Variants in PML observed in about 807,000 individuals in gnomAD.
PML encodes the protein PML nuclear body scaffold.
Under a neutral mutation model 65.2 loss-of-function variants are expected in PML, and 28 were observed. That is an observed-to-expected ratio of 0.43 (90% CI 0.32 to 0.59). PML has a LOEUF of 0.59. Ranked by LOEUF, PML falls within the 20% of genes least tolerant of loss-of-function variation. PML has a pLI of 0.08. For missense variants in PML, 1,021 were observed against 1,203.4 expected, an observed-to-expected ratio of 0.85 and a Z score of 2.24; for synonymous variants, 500 against 508.8, an observed-to-expected ratio of 0.98 and a Z score of 0.23.
chr15:74,034,387 G>A (rs2071449462), intron 6 of PML, 91 bp from the exon 7 acceptor site: 1 of 1,570,796 alleles, frequency 6.4e-7, no homozygotes, highest in East Asian at 2.2e-5. Flanking sequence ...CCAGCCGACT[G>A]GCCTGCAAGG....
chr15:74,012,323 C>T (rs569059003), intron 2 of PML, among the ~76,000 whole-genome samples: 1 of 152,336 alleles, frequency 6.6e-6, no homozygotes, highest in South Asian at 2.1e-4. Flanking sequence ...TTACAAGTGC[C>T]TGCCACCACT....
At chr15:74,032,802 C>A (rs924006051) in intron 5 of PML, 87 bp downstream of exon 5, 15 of 1,347,984 alleles carry the variant, frequency 1.1e-5, no homozygotes, top group African/African-American at 5.7e-5. Context: ...GGAATCCAGG[C>A]CTTCATCAGA....
chr15:74,003,141 G>A (rs1311858259), intron 2 of PML, among the ~76,000 whole-genome samples: 3 of 150,338 alleles, frequency 2.0e-5, no homozygotes, highest in African/African-American at 7.3e-5. Context: ...CTTAAAAAAA[G>A]AAAAAAAGTG....
intron 6 of PML, 56 bp downstream of exon 6, chr15:74,033,470 G>A (rs2071408716): frequency 6.3e-7 from 1 of 1,597,490 alleles, no homozygotes; most frequent in Non-Finnish European, 8.5e-7. Context: ...TCTGGGCGGT[G>A]CCCCTCTTCT....
At chr15:74,003,129 G>T (rs2069861216) in intron 2 of PML, among the ~76,000 whole-genome samples, 1 of 150,060 alleles carries the variant, frequency 6.7e-6, no homozygotes, top group African/African-American at 2.5e-5. Context: ...ATGAGACTCT[G>T]TCTTAAAAAA....
chr15:74,005,233 A>G (rs1288169040), intron 2 of PML, among the ~76,000 whole-genome samples: 1 of 150,498 alleles, frequency 6.6e-6, no homozygotes, highest in African/African-American at 2.5e-5. Context: ...TTGTATTATT[A>G]GTAGAGACGG....
rs754836240 is a variant in PML, at chr15:74,044,745, C to T, written c.2386C>T (p.Arg796Cys). Reference sequence around the variant, plus strand: ...AGCTGTGCTGCCCCGGGCTGAGGCCCGCCTCCTGGCCCTACACAACGTGAG... The same window carrying T: ...AGCTGTGCTGCCCCGGGCTGAGGCCTGCCTCCTGGCCCTACACAACGTGAG... ...QAAVLPRAEARLLALHNVSFM... is the reference protein window; with the variant it reads ...QAAVLPRAEACLLALHNVSFM... Residue 796 changes from arginine to cysteine, a missense_variant, in exon 9 of 9, where the codon CGC becomes TGC. Coordinates refer to ENST00000268058, the MANE Select transcript of PML (RefSeq NM_033238.3). 43 of 1,611,950 alleles carry T rather than the reference C, an allele frequency of 2.7e-5. No individual in the cohort carries two copies. Among genetic ancestry groups the T allele is most frequent in the Non-Finnish European group, 3.3e-5 (39 of 1,180,020 alleles).
At chr15:74,014,602 A>T (rs1044768425) in intron 2 of PML, among the ~76,000 whole-genome samples, 8 of 151,910 alleles carry the variant, frequency 5.3e-5, no homozygotes, top group African/African-American at 1.9e-4. Context: ...TCTCTACTAA[A>T]AATACAAAAA....
intron 2 of PML, among the ~76,000 whole-genome samples, chr15:74,013,034 C>T (rs2070405130): frequency 6.6e-6 from 1 of 152,094 alleles, no homozygotes; most frequent in South Asian, 2.1e-4. Flanking sequence ...GTCAAACTGA[C>T]TTGCTTTTTC....
chr15:74,003,953 A>G (rs1167607795), intron 2 of PML, among the ~76,000 whole-genome samples: 1 of 152,184 alleles, frequency 6.6e-6, no homozygotes, highest in African/African-American at 2.4e-5. Context: ...TAGGTGTAAA[A>G]TTCTGAGGTC....
At chr15:74,016,788 G>A (rs1186759116) in intron 2 of PML, among the ~76,000 whole-genome samples, 2 of 78,692 alleles carry the variant, frequency 2.5e-5, no homozygotes, top group Admixed American at 1.2e-4. Flanking sequence ...TTAGGCAGTG[G>A]CATCTTTTTT....
chr15:74,009,277 A>T (rs577084141), intron 2 of PML, among the ~76,000 whole-genome samples: 1 of 152,332 alleles, frequency 6.6e-6, no homozygotes, highest in East Asian at 1.9e-4. Flanking sequence ...AAGGCCTATT[A>T]ATCAAGTTTA....
chr15:74,042,707 A>G lies in PML; in HGVS notation c.1711-282A>G. On this transcript the variant is annotated intron_variant, in intron 7 of 8. Coordinates refer to ENST00000268058, the MANE Select transcript of PML (RefSeq NM_033238.3). The surrounding 1 kb of genome is among the most constrained non-coding windows in gnomAD (Gnocchi z 5.3). ...ACACACAGATTTAGCACTTGGATTC[A>G]TTCCCACACATGCACGTTCACAACC... 1 of 985,356 alleles carries G rather than the reference A, an allele frequency of 1.0e-6. No homozygotes were observed. The highest frequency in any genetic ancestry group is 1.2e-6 in the Non-Finnish European group (1 of 829,908). 61.0% of individuals were successfully genotyped at this position (985,356 alleles called of 1,614,324 possible).
Position 74,045,579 on chromosome 15 carries a change from C to T in PML, c.*571C>T, listed in dbSNP as rs1044449585. The T allele has an allele frequency of 1.7e-5, 4 of 233,816 alleles. No individual in the cohort carries two copies. Among genetic ancestry groups the T allele is most frequent in the African/African-American group, 6.6e-5 (3 of 45,360 alleles). 14.5% of individuals were successfully genotyped at this position (233,816 alleles called of 1,614,324 possible). A position where few individuals can be genotyped will look rare whatever the true frequency, so the allele number is the denominator to read the frequency against. On this transcript the variant is annotated 3_prime_UTR_variant, in exon 9 of 9. Transcript: ENST00000268058. ...TCCTTTCATCCCAGAGGGGCCTCAT[C>T]AGCAAAGACAGAAACTGATGTTCCA... is the stretch of plus-strand genomic sequence containing the variant.
chr15:73,999,834 AT>A (rs368015472), intron 2 of PML, among the ~76,000 whole-genome samples: 11,156 of 135,582 alleles, frequency 0.082, 328 homozygotes, highest in African/African-American at 0.13. Flanking sequence ...ATTTTTTTTA[AT>A]TTTTTTTTTT....
In PML at chr15:74,045,101, G is replaced by T. The variant is rs943848337; in HGVS notation, c.*93G>T. 1.4e-5 allele frequency: 16 copies of T among 1,163,646 alleles called. No homozygotes were observed. In the African/African-American group the frequency reaches 1.8e-4, roughly 13 times the overall value. The allele number at this position is 1,163,646 out of a possible 1,614,324, so 72.1% of individuals were successfully genotyped here. On this transcript the variant is annotated 3_prime_UTR_variant, in exon 9 of 9. Transcript: ENST00000268058. ...ACCCATCACAGCATTCCCAGGTCCT[G>T]GTACCCAGCCCTCAGTTGTCATTTG...
In PML at chr15:74,046,906, C is replaced by T. The variant is rs926583139; in HGVS notation, c.*1898C>T. The T allele has an allele frequency of 4.3e-5, 10 of 230,152 alleles. No individual in the cohort carries two copies. Among genetic ancestry groups the T allele is most frequent in the African/African-American group, 8.9e-5 (4 of 45,176 alleles). The allele number at this position is 230,152 out of a possible 1,614,324, so 14.3% of individuals were successfully genotyped here. On this transcript the variant is annotated 3_prime_UTR_variant, in exon 9 of 9. Transcript: ENST00000268058. ...CCCAGCACAACTGTGTTTTGTGGGGCGTCTTTTAGGACTTAGCAGAGCTGA... is the reference window on the plus strand; with the variant it reads ...CCCAGCACAACTGTGTTTTGTGGGGTGTCTTTTAGGACTTAGCAGAGCTGA...
chr15:73,996,940 T>C (rs573097845), intron 1 of PML, among the ~76,000 whole-genome samples: 3 of 152,318 alleles, frequency 2.0e-5, no homozygotes, highest in East Asian at 3.9e-4. Context: ...GAACAAAGAA[T>C]TGGACAAAAT....
intron 5 of PML, 124 bp downstream of exon 5, chr15:74,032,839 T>A: frequency 4.6e-6 from 5 of 1,083,196 alleles, no homozygotes; most frequent in Non-Finnish European, 7.0e-6. Flanking sequence ...AAGTGTTTGC[T>A]CAACGCCTTC....
Sources: allele counts gnomAD v4.1 joint callset (sites outside exome capture counted in the v4.1 genomes callset), GRCh38; gene constraint gnomAD v4.1.1; non-coding constraint Gnocchi (gnomAD v3.1); transcripts MANE v1.5; gene names NCBI Gene and HGNC (gene_info 2026-07-23, HGNC 2026-07-21).